ELOVL5: variants seen among roughly 807,000 people sequenced by gnomAD.
ELOVL5 encodes ELOVL fatty acid elongase 5.
ELOVL5 carries 8 observed loss-of-function variants against 38.6 expected under a neutral mutation model. The observed-to-expected ratio is 0.21, with a 90% CI of 0.12 to 0.37. ELOVL5 has a LOEUF of 0.37. ELOVL5 is among the 10% of genes least tolerant of loss of function. ELOVL5 has a pLI of 1.00. For synonymous variants in ELOVL5, 127 were observed against 133.7 expected, an observed-to-expected ratio of 0.95 and a Z score of 0.34; for missense variants, 280 against 367.8, an observed-to-expected ratio of 0.76 and a Z score of 1.95.
intron 3 of ELOVL5, among the ~76,000 whole-genome samples, chr6:53,279,316 C>T (rs1412109655): frequency 6.6e-6 from 1 of 152,202 alleles, no homozygotes; most frequent in African/African-American, 2.4e-5. Flanking sequence ...TCTCAAAATC[C>T]TATCTATCCT....
chr6:53,294,284 C>CA, intron 2 of ELOVL5: 1 of 1,561,942 alleles, frequency 6.4e-7, no homozygotes, highest in South Asian at 1.2e-5. Context: ...GTGGCTGGTT[C>CA]AGGCAGGGGC....
intron 1 of ELOVL5, among the ~76,000 whole-genome samples, chr6:53,322,334 T>C (rs1042480563): frequency 2.0e-5 from 3 of 152,146 alleles, no homozygotes; most frequent in Non-Finnish European, 4.4e-5. Flanking sequence ...TAATTATATA[T>C]ACAACGTTTC....
At chr6:53,309,561 C>A (rs1002910171) in intron 1 of ELOVL5, among the ~76,000 whole-genome samples, 3 of 152,202 alleles carry the variant, frequency 2.0e-5, no homozygotes, top group Non-Finnish European at 4.4e-5. Context: ...GATCCTGGTA[C>A]ACCTGATACT....
chr6:53,336,377 A>C (rs1224466400), intron 1 of ELOVL5, among the ~76,000 whole-genome samples: 1 of 152,210 alleles, frequency 6.6e-6, no homozygotes, highest in Non-Finnish European at 1.5e-5. Context: ...TAAGAGGGCC[A>C]GGCCAGGCAC....
At chr6:53,280,010 C>G (rs1398356561) in intron 3 of ELOVL5, among the ~76,000 whole-genome samples, 2 of 152,228 alleles carry the variant, frequency 1.3e-5, no homozygotes, top group Admixed American at 1.3e-4. Flanking sequence ...TCACAGGAGA[C>G]AATCCTCAAG....
chr6:53,291,935 C>G lies in ELOVL5; in HGVS notation c.87G>C (p.Leu29=). 6.3e-7 allele frequency: 1 copy of G among 1,582,744 alleles called. No homozygotes were observed. The highest frequency in any genetic ancestry group is 1.2e-5 in the South Asian group (1 of 85,644). Residue 29 remains leucine (L), a synonymous_variant, in exon 3 of 8, where the codon CTG becomes CTC. Coordinates refer to ENST00000304434, the MANE Select transcript of ELOVL5 (RefSeq NM_021814.5). ...RDTRVKGWFL[L]DNYIPTFICS... is the part of the protein sequence containing the mutation. ...AGATAAATGTGGGTATATAATTGTCCAGAAGAAACCATCCTTTTACTCTAG... is the reference window on the plus strand; with the variant it reads ...AGATAAATGTGGGTATATAATTGTCGAGAAGAAACCATCCTTTTACTCTAG...
intron 1 of ELOVL5, among the ~76,000 whole-genome samples, chr6:53,321,820 G>A (rs765659482): frequency 4.6e-5 from 7 of 152,148 alleles, no homozygotes; most frequent in Non-Finnish European, 7.3e-5. Context: ...GAGCCATTTC[G>A]GCTAACACTG....
At chr6:53,276,360 G>A in intron 3 of ELOVL5, 104 bp from the exon 4 acceptor site, 1 of 753,692 alleles carries the variant, frequency 1.3e-6, no homozygotes. Context: ...CTTGGGCTGT[G>A]CTGAGCCAAG....
At chr6:53,291,644 G>A (rs1581939043) in intron 3 of ELOVL5, 132 bp downstream of exon 3, 3 of 570,142 alleles carry the variant, frequency 5.3e-6, no homozygotes, top group East Asian at 3.1e-5. Context: ...CACTCATAAC[G>A]CATTAAGATA....
intron 1 of ELOVL5, among the ~76,000 whole-genome samples, chr6:53,303,009 T>C (rs1284314647): frequency 6.6e-6 from 1 of 152,196 alleles, no homozygotes; most frequent in Admixed American, 6.5e-5. Context: ...CTCATTCCCA[T>C]CCATCACTTT....
chr6:53,338,805 T>C (rs1454369769), intron 1 of ELOVL5, among the ~76,000 whole-genome samples: 1 of 152,254 alleles, frequency 6.6e-6, no homozygotes, highest in African/African-American at 2.4e-5. Flanking sequence ...ATGTGATTAC[T>C]TGAATATTCA....
At chr6:53,281,597 G>GA (rs1766357882) in intron 3 of ELOVL5, among the ~76,000 whole-genome samples, 1 of 152,176 alleles carries the variant, frequency 6.6e-6, no homozygotes, top group Non-Finnish European at 1.5e-5. Flanking sequence ...TGGAAAAGCA[G>GA]ACCTTTAACT....
At chr6:53,335,777 G>A (rs1018706384) in intron 1 of ELOVL5, among the ~76,000 whole-genome samples, 2 of 152,094 alleles carry the variant, frequency 1.3e-5, no homozygotes, top group African/African-American at 4.8e-5. Flanking sequence ...CTGCAGCCAC[G>A]GGGTGATGTT....
At chr6:53,283,714 A>G (rs1346410689) in intron 3 of ELOVL5, among the ~76,000 whole-genome samples, 1 of 152,222 alleles carries the variant, frequency 6.6e-6, no homozygotes, top group Non-Finnish European at 1.5e-5. Context: ...CAAAGTGCCT[A>G]GAAAGAAAAA....
chr6:53,289,489 C>A (rs1218326276), intron 3 of ELOVL5, among the ~76,000 whole-genome samples: 1 of 152,122 alleles, frequency 6.6e-6, no homozygotes, highest in Non-Finnish European at 1.5e-5. Flanking sequence ...GAGGCCGAGG[C>A]GGGTGGATCA....
At chr6:53,309,513 C>T (rs544165695) in intron 1 of ELOVL5, among the ~76,000 whole-genome samples, 5 of 152,272 alleles carry the variant, frequency 3.3e-5, no homozygotes, top group South Asian at 2.1e-4. Context: ...CAAGTAAATA[C>T]GGTATCTATG....
At chr6:53,273,595 T>C (rs991453361) in intron 5 of ELOVL5, among the ~76,000 whole-genome samples, 6 of 152,224 alleles carry the variant, frequency 3.9e-5, no homozygotes, top group Non-Finnish European at 8.8e-5. Context: ...CATCTGACAC[T>C]GAAGCCACGA....
rs564248730 is a variant in ELOVL5 at position 53,281,167 on chromosome 6, G to A, written c.247-4911C>T. Among the ~76,000 whole-genome samples, 3 of 152,280 alleles carry A rather than the reference G, an allele frequency of 2.0e-5. No individual in the cohort carries two copies. In the South Asian group the frequency reaches 6.2e-4, roughly 32 times the overall value. ...CCAAAGAAGACTGGCTGCTTCTGGT[G>A]ATAAGAGCTTGATGAAGCTGCATGT... On this transcript the variant is annotated intron_variant, in intron 3 of 7. Transcript: ENST00000304434.
At chr6:53,334,803 A>T (rs1393398807) in intron 1 of ELOVL5, among the ~76,000 whole-genome samples, 1 of 152,060 alleles carries the variant, frequency 6.6e-6, no homozygotes, top group African/African-American at 2.4e-5. Context: ...CCTGCCCCAT[A>T]ACCTTACCAG....
Sources: allele counts gnomAD v4.1 joint callset (sites outside exome capture counted in the v4.1 genomes callset), GRCh38; gene constraint gnomAD v4.1.1; transcripts MANE v1.5; gene names NCBI Gene and HGNC (gene_info 2026-07-23, HGNC 2026-07-21).